TBC1D32: variants seen among roughly 807,000 people sequenced by gnomAD.
TBC1D32 encodes protein broad-minded.
In TBC1D32, 151 loss-of-function variants were observed where a neutral mutation model predicts 170.3. The observed-to-expected ratio is 0.89, with a 90% CI of 0.78 to 1.01. The LOEUF is 1.01. Among genes scored for constraint, TBC1D32 ranks in the 50% least tolerant of loss-of-function variants. TBC1D32 has a pLI of 0.00. For missense variants in TBC1D32, 1,464 were observed against 1,457.1 expected (o/e 1.00, Z -0.08); for synonymous variants, 498 against 488.0 (o/e 1.02, Z -0.27).
At chr6:121,269,660 A>T (rs1199613423) in intron 15 of TBC1D32, among the ~76,000 whole-genome samples, 5 of 152,138 alleles carry the variant, frequency 3.3e-5, no homozygotes, top group African/African-American at 1.2e-4. Context: ...CACAATAATA[A>T]TGGGAGACTT....
rs1806838647 is a variant in TBC1D32 at position 121,303,723 on chromosome 6, A to G, written c.974T>C (p.Leu325Ser). 6.3e-7 allele frequency: 1 copy of G among 1,583,990 alleles called. No individual in the cohort carries two copies. The highest frequency in any genetic ancestry group is 1.7e-5 in the Admixed American group (1 of 59,092). The change falls in exon 9 of 32, where the codon TTA becomes TCA. Residue 325 changes from leucine to serine, a missense_variant. Transcript: ENST00000398212. ...ATGGCTTTGATTATGTTTAACTGTT[A>G]ACAAGGACAAAGTACTCTCCACAAT... is the stretch of plus-strand genomic sequence containing the variant. The part of the protein sequence containing the change: ...EEIVESTLSL[L>S]TVKHNQSHVV...
chr6:121,271,369 G>A (rs112058990), intron 15 of TBC1D32, among the ~76,000 whole-genome samples: 7,756 of 152,208 alleles, frequency 0.051, 384 homozygotes, highest in African/African-American at 0.12. Flanking sequence ...AAACCCAATC[G>A]TCTTGGCCCA....
chr6:121,220,813 G>T (rs189775219), intron 21 of TBC1D32, among the ~76,000 whole-genome samples: 2 of 151,752 alleles, frequency 1.3e-5, no homozygotes, highest in African/African-American at 4.8e-5. Flanking sequence ...GCTAATTTTT[G>T]TATTTTTACT....
chr6:121,173,632 T>C (rs1477488994), intron 22 of TBC1D32, among the ~76,000 whole-genome samples: 1 of 151,880 alleles, frequency 6.6e-6, no homozygotes, highest in African/African-American at 2.4e-5. Flanking sequence ...CAAAAAACTC[T>C]ATTAATAATT....
At chr6:121,125,174 G>C (rs1780691881) in intron 26 of TBC1D32, among the ~76,000 whole-genome samples, 1 of 152,154 alleles carries the variant, frequency 6.6e-6, no homozygotes, top group South Asian at 2.1e-4. Flanking sequence ...TCTTTCTAGA[G>C]GGCCTTCCAG....
At chr6:121,096,127 T>G (rs1396339687) in intron 30 of TBC1D32, 1 of 152,160 alleles carries the variant, frequency 6.6e-6, no homozygotes, top group Non-Finnish European at 1.5e-5. Flanking sequence ...ATTGATCTAT[T>G]CAGGGATTCA....
At chr6:121,294,380 G>A (rs554243296) in intron 11 of TBC1D32, among the ~76,000 whole-genome samples, 190 bp downstream of exon 11, 9 of 152,000 alleles carry the variant, frequency 5.9e-5, no homozygotes, top group African/African-American at 1.9e-4. Flanking sequence ...TTCAAATGTA[G>A]ATCTGTTATA....
chr6:121,090,768 T>G, intron 31 of TBC1D32, 85 bp downstream of exon 31: 3 of 1,232,632 alleles, frequency 2.4e-6, no homozygotes, highest in Non-Finnish European at 3.5e-6. Context: ...TAGGATTAAA[T>G]GAGTGCCTAG....
intron 26 of TBC1D32, among the ~76,000 whole-genome samples, chr6:121,125,297 C>A (rs916527490): frequency 2.6e-5 from 4 of 152,118 alleles, no homozygotes; most frequent in Admixed American, 1.3e-4. Context: ...ACATAGCTTT[C>A]CAGCCCAGAA....
At chr6:121,310,693 A>G (rs1247503728) in intron 4 of TBC1D32, 86 bp downstream of exon 4, 1 of 876,020 alleles carries the variant, frequency 1.1e-6, no homozygotes, top group Non-Finnish European at 1.8e-6. Flanking sequence ...CCTCAAGGGA[A>G]ACAACCTGGT....
intron 27 of TBC1D32, 48 bp downstream of exon 27, chr6:121,115,124 A>G: frequency 6.8e-7 from 1 of 1,479,922 alleles, no homozygotes; most frequent in African/African-American, 1.4e-5. Context: ...TGAGGCAGAT[A>G]AAACAAATTC....
intron 15 of TBC1D32, among the ~76,000 whole-genome samples, chr6:121,267,963 G>A (rs1800772858): frequency 6.6e-6 from 1 of 152,102 alleles, no homozygotes; most frequent in Non-Finnish European, 1.5e-5. Flanking sequence ...TTGCTGTTCT[G>A]CAGCCTCCAC....
intron 1 of TBC1D32, 41 bp downstream of exon 1, chr6:121,334,227 CTCTCTGGA>C (rs1180417604): frequency 6.6e-7 from 1 of 1,524,218 alleles, no homozygotes; most frequent in Non-Finnish European, 9.0e-7. Context: ...TCTCTGGACC[CTCTCTGGA>C]TCGATGGTTT....
At chr6:121,170,749 G>T (rs1786867686) in intron 22 of TBC1D32, among the ~76,000 whole-genome samples, 1 of 151,830 alleles carries the variant, frequency 6.6e-6, no homozygotes, top group Non-Finnish European at 1.5e-5. Flanking sequence ...TTCCAATCTA[G>T]ATTTTTTAAA....
chr6:121,239,045 T>C lies in TBC1D32; in HGVS notation c.2364+25A>G, dbSNP rs10214599. ...CTGTGAAATACTTTTCAAATCTGTG[T>C]ATTATTAGTCAAATAACTTCTTACC... is the stretch of plus-strand genomic sequence containing the variant. On this transcript the variant is annotated intron_variant, in intron 20 of 31. Coordinates refer to ENST00000398212, the MANE Select transcript of TBC1D32 (RefSeq NM_152730.6). 0.018 allele frequency: 23,427 copies of C among 1,297,756 alleles called. 1,521 individuals are homozygous for C. In the African/African-American group the frequency reaches 0.18, roughly 10 times the overall value. The allele number at this position is 1,297,756 out of a possible 1,614,324, so 80.4% of individuals were successfully genotyped here.
intron 24 of TBC1D32, among the ~76,000 whole-genome samples, chr6:121,156,752 G>A (rs1784943298): frequency 6.6e-6 from 1 of 151,902 alleles, no homozygotes; most frequent in Non-Finnish European, 1.5e-5. Context: ...TTTTATTTCT[G>A]ACTTAATTTC....
At chr6:121,111,198 G>A (rs914845996) in intron 29 of TBC1D32, among the ~76,000 whole-genome samples, 9 of 152,098 alleles carry the variant, frequency 5.9e-5, no homozygotes, top group African/African-American at 2.2e-4. Context: ...CAGAACACAA[G>A]ATCATTGATG....
chr6:121,256,229 A>T lies in TBC1D32; in HGVS notation c.1790T>A (p.Ile597Asn). 6.2e-7 allele frequency: 1 copy of T among 1,613,846 alleles called. No individual in the cohort carries two copies. The highest frequency in any genetic ancestry group is 8.5e-7 in the Non-Finnish European group (1 of 1,179,942). The change falls in exon 16 of 32, where the codon ATT (isoleucine) becomes AAT (asparagine). Residue 597 changes from isoleucine (I) to asparagine (N), a missense_variant. This residue lies in a region of TBC1D32 where 1,363 missense variants were observed against 1,338.1 expected (regional missense o/e 1.02). Coordinates refer to ENST00000398212, the MANE Select transcript of TBC1D32 (RefSeq NM_152730.6). ...QFSKKLLDED[I>N]SIFSGSEMLP... ...CATTTCTGATCCAGAAAATATAGAAATATCTTCATCGAGAAGTTTTTTCGA... is the reference window on the plus strand; with the variant it reads ...CATTTCTGATCCAGAAAATATAGAATTATCTTCATCGAGAAGTTTTTTCGA...
At chr6:121,095,892 C>T (rs1450348149) in intron 30 of TBC1D32, 1 of 152,038 alleles carries the variant, frequency 6.6e-6, no homozygotes, top group Non-Finnish European at 1.5e-5. Flanking sequence ...CTAAAATTTT[C>T]TTTTTTGTGT....
Sources: allele counts gnomAD v4.1 joint callset (sites outside exome capture counted in the v4.1 genomes callset), GRCh38; gene constraint gnomAD v4.1.1; regional missense constraint gnomAD v4.1.1; transcripts MANE v1.5; gene names NCBI Gene and HGNC (gene_info 2026-07-23, HGNC 2026-07-21).